The following DLGAP2 variants were observed in gnomAD, a reference collection of about 807,000 sequenced individuals.
DLGAP2 encodes disks large-associated protein 2.
DLGAP2 carries 26 observed loss-of-function variants against 100.3 expected under a neutral mutation model. That is an observed-to-expected ratio of 0.26 (90% CI 0.19 to 0.36). The LOEUF is 0.36. Among genes scored for constraint, DLGAP2 ranks in the 10% least tolerant of loss-of-function variants. The pLI, the probability that DLGAP2 is intolerant of heterozygous loss-of-function variation, is 1.00. For missense variants in DLGAP2, 1,858 were observed against 1,453.2 expected (o/e 1.28, Z -4.53); for synonymous variants, 886 against 630.1 (o/e 1.41, Z -6.08).
intron 5 of DLGAP2, among the ~76,000 whole-genome samples, chr8:1,551,029 G>A (rs1372669200): frequency 6.6e-6 from 1 of 152,232 alleles, no homozygotes; most frequent in Non-Finnish European, 1.5e-5. Flanking sequence ...TCTGGGAGTC[G>A]TGGTGGCAAA....
At chr8:1,691,412 C>G (rs113560373) in intron 12 of DLGAP2, 123 bp from the exon 13 acceptor site, 1 of 775,664 alleles carries the variant, frequency 1.3e-6, no homozygotes. Flanking sequence ...ACGCTCGGCA[C>G]GATGAAGTCG....
At chr8:1,651,464 G>A (rs990522524) in intron 8 of DLGAP2, among the ~76,000 whole-genome samples, 1 of 152,206 alleles carries the variant, frequency 6.6e-6, no homozygotes, top group African/African-American at 2.4e-5. Context: ...CCAAGAGACT[G>A]GAAGTTCCTG....
chr8:1,434,674 C>A (rs79794176), intron 3 of DLGAP2, among the ~76,000 whole-genome samples: 1 of 152,154 alleles, frequency 6.6e-6, no homozygotes, highest in Non-Finnish European at 1.5e-5. Flanking sequence ...TGGGGTGTCA[C>A]TATGTTGCCC....
At chr8:1,072,141 G>T (rs949393500) in intron 2 of DLGAP2, among the ~76,000 whole-genome samples, 5 of 152,152 alleles carry the variant, frequency 3.3e-5, no homozygotes, top group African/African-American at 1.2e-4. Context: ...CACAGTGGAG[G>T]GGGTGCGGGT....
At chr8:969,270 A>C (rs1799955986) in intron 2 of DLGAP2, among the ~76,000 whole-genome samples, 1 of 152,188 alleles carries the variant, frequency 6.6e-6, no homozygotes, top group African/African-American at 2.4e-5. Flanking sequence ...TGCAGGCTTC[A>C]GACTGGAACT....
chr8:1,358,507 C>T (rs1010762099), intron 3 of DLGAP2, among the ~76,000 whole-genome samples: 5 of 152,154 alleles, frequency 3.3e-5, no homozygotes, highest in Non-Finnish European at 7.4e-5. Flanking sequence ...ACCCACTTCA[C>T]CATAGTCACC....
At chr8:1,656,431 T>A (rs1030405434) in intron 8 of DLGAP2, among the ~76,000 whole-genome samples, 2 of 152,170 alleles carry the variant, frequency 1.3e-5, no homozygotes, top group African/African-American at 4.8e-5. Flanking sequence ...GCATTTTCAA[T>A]GGGTAGCAGT....
intron 1 of DLGAP2, among the ~76,000 whole-genome samples, chr8:772,374 G>A (rs1244145342): frequency 6.6e-6 from 1 of 152,122 alleles, no homozygotes; most frequent in African/African-American, 2.4e-5. Context: ...CGAGGCTGGA[G>A]TGCAGTGGCA....
At chr8:1,263,303 G>C (rs7823268) in intron 3 of DLGAP2, among the ~76,000 whole-genome samples, 32,689 of 151,976 alleles carry the variant, frequency 0.22, 3,672 homozygotes, top group African/African-American at 0.27. Flanking sequence ...AGTAGTTTAA[G>C]GTAAGAGATT....
intron 6 of DLGAP2, among the ~76,000 whole-genome samples, chr8:1,623,802 CA>C (rs1442186103): frequency 6.6e-6 from 1 of 152,238 alleles, no homozygotes; most frequent in African/African-American, 2.4e-5. Context: ...TAGGACAATG[CA>C]AAACACTTAT....
intron 2 of DLGAP2, among the ~76,000 whole-genome samples, chr8:1,186,713 T>C (rs10113245): frequency 0.084 from 12,826 of 152,248 alleles, 722 homozygotes; most frequent in Middle Eastern, 0.21. Flanking sequence ...TGATATTCTG[T>C]TGTGAATATC....
At chr8:1,570,353 G>T (rs780257183) in intron 6 of DLGAP2, among the ~76,000 whole-genome samples, 2 of 152,204 alleles carry the variant, frequency 1.3e-5, no homozygotes, top group Non-Finnish European at 2.9e-5. Flanking sequence ...GTTCCATTAC[G>T]CACAGCCCTT....
chr8:915,452 C>G (rs1169841877), intron 2 of DLGAP2, among the ~76,000 whole-genome samples: 1 of 152,000 alleles, frequency 6.6e-6, no homozygotes, highest in Non-Finnish European at 1.5e-5. Flanking sequence ...GAGGCTGAGG[C>G]AGGAGAATGG....
At chr8:1,357,401 C>T (rs1033618601) in intron 3 of DLGAP2, among the ~76,000 whole-genome samples, 3 of 144,564 alleles carry the variant, frequency 2.1e-5, no homozygotes, top group African/African-American at 5.1e-5. Flanking sequence ...GGTGCCAAAT[C>T]TTTTTTTTTT....
intron 6 of DLGAP2, among the ~76,000 whole-genome samples, chr8:1,582,620 C>G (rs929917928): frequency 6.6e-6 from 1 of 152,018 alleles, no homozygotes; most frequent in Non-Finnish European, 1.5e-5. Context: ...GATGGAGTCT[C>G]GCTCCGTCAC....
chr8:1,708,189 C>G lies in DLGAP2; in HGVS notation c.*6783C>G, dbSNP rs1799755773. 6.6e-6 allele frequency: 1 copy of G among 152,160 alleles called. No homozygotes were observed. The highest frequency in any genetic ancestry group is 6.5e-5 in the Admixed American group (1 of 15,278). 9.4% of individuals were successfully genotyped at this position (152,160 alleles called of 1,614,324 possible). On this transcript the variant is annotated 3_prime_UTR_variant, in exon 15 of 15. Coordinates refer to ENST00000637795, the MANE Select transcript of DLGAP2 (RefSeq NM_001346810.2). ...CTTCTGTATCGCTGATGTTCACCTC[C>G]TGTAAATAGTTTGGCAATTAAATTT...
chr8:880,417 C>G (rs1007249636), intron 1 of DLGAP2, among the ~76,000 whole-genome samples: 5 of 152,226 alleles, frequency 3.3e-5, no homozygotes, highest in African/African-American at 9.6e-5. Flanking sequence ...CTATCTGGCT[C>G]CTGTGCGGGG....
chr8:878,317 C>T (rs556576704), intron 1 of DLGAP2, among the ~76,000 whole-genome samples: 1 of 152,104 alleles, frequency 6.6e-6, no homozygotes, highest in Non-Finnish European at 1.5e-5. Flanking sequence ...CCATGGGACC[C>T]TCTGAATGTA....
intron 3 of DLGAP2, among the ~76,000 whole-genome samples, chr8:1,336,636 C>T (rs566143647): frequency 9.0e-4 from 137 of 152,268 alleles, no homozygotes; most frequent in African/African-American, 1.6e-3. Context: ...TCTGCACCTC[C>T]GATGCATCTG....
Sources: allele counts gnomAD v4.1 joint callset (sites outside exome capture counted in the v4.1 genomes callset), GRCh38; gene constraint gnomAD v4.1.1; transcripts MANE v1.5; gene names NCBI Gene and HGNC (gene_info 2026-07-23, HGNC 2026-07-21).